The following ICE1 variants were observed in gnomAD, a reference collection of about 807,000 sequenced individuals.
ICE1 encodes interactor of little elongation complex ELL subunit 1.
Under a neutral mutation model 192.7 loss-of-function variants are expected in ICE1, and 64 were observed. The observed-to-expected ratio is 0.33, with a 90% CI of 0.27 to 0.41. ICE1 has a LOEUF of 0.41. Ranked by LOEUF, ICE1 falls within the 10% of genes least tolerant of loss-of-function variation. The pLI is 1.00. For synonymous variants in ICE1, 1,010 were observed against 984.5 expected, an observed-to-expected ratio of 1.03 and a Z score of -0.49; for missense variants, 2,708 against 2,696.0, an observed-to-expected ratio of 1.00 and a Z score of -0.10.
intron 12 of ICE1, among the ~76,000 whole-genome samples, chr5:5,458,690 C>T (rs772278524): frequency 6.6e-5 from 10 of 152,036 alleles, no homozygotes; most frequent in African/African-American, 1.9e-4. Context: ...TGTGCATCCT[C>T]CCAAGGAGTT....
At position 5,461,599 on chromosome 5, in the gene ICE1, A is replaced by G. The variant is rs1738782186; in HGVS notation, c.2265A>G (p.Gln755=). 4 of 1,613,094 alleles carry G rather than the reference A, an allele frequency of 2.5e-6. No homozygotes were observed. Among genetic ancestry groups the G allele is most frequent in the African/African-American group, 1.3e-5 (1 of 74,942 alleles). Residue 755 remains glutamine (Q), a synonymous_variant, in exon 13 of 19, where the codon CAA becomes CAG. Transcript: ENST00000296564. ...KATKDGQCES[Q]DPRIELTLNK... ...CAAAAGATGGGCAATGTGAAAGTCA[A>G]GATCCAAGAATTGAGCTCACACTAA...
At position 5,457,353 on chromosome 5, in the gene ICE1, C is replaced by G; in HGVS notation, c.713C>G (p.Thr238Ser). 1 of 1,606,000 alleles carries G rather than the reference C, an allele frequency of 6.2e-7. No homozygotes were observed. The highest frequency in any genetic ancestry group is 8.5e-7 in the Non-Finnish European group (1 of 1,175,260). Residue 238 changes from threonine (T) to serine (S), a missense_variant, in exon 12 of 19, where the codon ACC (threonine) becomes AGC (serine). Coordinates refer to ENST00000296564, the MANE Select transcript of ICE1 (RefSeq NM_015325.3). ...CVPEKPAKAI[T>S]SSRVPGEDGT... Reference sequence around the variant, plus strand: ...ATAGAAAAACCTGCCAAAGCAATCACCAGCTCCAGAGTGCCTGGGGAAGAT... The same window carrying G: ...ATAGAAAAACCTGCCAAAGCAATCAGCAGCTCCAGAGTGCCTGGGGAAGAT...
At chr5:5,424,541 C>G (rs767395412) in intron 1 of ICE1, among the ~76,000 whole-genome samples, 2 of 152,126 alleles carry the variant, frequency 1.3e-5, no homozygotes, top group South Asian at 2.1e-4. Flanking sequence ...GACAAAAATT[C>G]TTGATCTCTT....
Position 5,463,595 on chromosome 5 carries a change from G to C in ICE1, c.4261G>C (p.Gly1421Arg), listed in dbSNP as rs775738864. The change falls in exon 13 of 19, where the codon GGG becomes CGG. Residue 1421 changes from glycine (G) to arginine (R), a missense_variant. Physicochemically the swap from Gly to Arg is moderately radical, Grantham distance 125. This residue lies in a region of ICE1 where 2,366 missense variants were observed against 2,276.6 expected (regional missense o/e 1.04). Coordinates refer to ENST00000296564, the MANE Select transcript of ICE1 (RefSeq NM_015325.3). ...NKDQNLVIEK[G>R]DNWTIISGVA... ...GGATCAGAATCTAGTCATTGAAAAGGGGGACAACTGGACAATCATCAGTGG... is the reference window on the plus strand; with the variant it reads ...GGATCAGAATCTAGTCATTGAAAAGCGGGACAACTGGACAATCATCAGTGG... 1 of 1,613,974 alleles carries C rather than the reference G, an allele frequency of 6.2e-7. No individual in the cohort carries two copies.
Position 5,463,866 on chromosome 5 carries a change from G to A in ICE1, c.4532G>A (p.Arg1511Gln), listed in dbSNP as rs1272300307. Reference protein sequence around the residue: ...QSTNFDKSRLRNRPVKPSIWI... With the variant: ...QSTNFDKSRLQNRPVKPSIWI... ...ACCAACTTTGATAAGAGTCGTTTGCGAAATAGACCCGTTAAGCCTAGTATA... is the reference window on the plus strand; with the variant it reads ...ACCAACTTTGATAAGAGTCGTTTGCAAAATAGACCCGTTAAGCCTAGTATA... Residue 1511 changes from arginine to glutamine, a missense_variant, in exon 13 of 19, where the codon CGA becomes CAA. Physicochemically the swap from Arg to Gln is conservative, Grantham distance 43 (BLOSUM62 1). Around this residue, in one of 2 missense-constraint regions of ICE1, gnomAD observed 2,366 missense variants for 2,276.6 expected, o/e 1.04. Transcript: ENST00000296564. 7 of 1,613,760 alleles carry A rather than the reference G, an allele frequency of 4.3e-6. No individual in the cohort carries two copies. The highest frequency in any genetic ancestry group is 2.2e-5 in the East Asian group (1 of 44,890).
At chr5:5,486,074 G>A (rs1463646834) in intron 17 of ICE1, among the ~76,000 whole-genome samples, 2 of 152,356 alleles carry the variant, frequency 1.3e-5, no homozygotes, top group Admixed American at 6.5e-5. Flanking sequence ...TGTACTCAGT[G>A]TATGGGGGAG....
Position 5,479,059 on chromosome 5 carries a change from C to T in ICE1, c.6520+2980C>T, listed in dbSNP as rs754066088. Among the ~76,000 whole-genome samples the T allele has an allele frequency of 3.0e-4, 45 of 152,160 alleles. 1 individual carries two copies. The highest frequency in any genetic ancestry group is 9.7e-5 in the African/African-American group (4 of 41,432). On this transcript the variant is annotated intron_variant, in intron 17 of 18. Transcript: ENST00000296564. ...ATGGGCAAAGACTTCATGACTAAAA[C>T]GCCAAAAGCAATTGCAACAAAAACC... is the stretch of plus-strand genomic sequence containing the variant.
intron 17 of ICE1, among the ~76,000 whole-genome samples, chr5:5,481,135 G>A (rs137924417): frequency 0.021 from 3,144 of 152,212 alleles, 51 homozygotes; most frequent in Middle Eastern, 0.037. Context: ...AAATGCTCAT[G>A]CTTTTGACTC....
chr5:5,473,844 G>A, intron 16 of ICE1, 96 bp downstream of exon 16: 2 of 822,860 alleles, frequency 2.4e-6, no homozygotes, highest in Admixed American at 3.5e-5. Context: ...TCGTTTAAGT[G>A]TGTAAGGCAG....
At chr5:5,470,797 A>ACAATTACATTAC (rs1190924168) in intron 15 of ICE1, among the ~76,000 whole-genome samples, 1 of 152,224 alleles carries the variant, frequency 6.6e-6, no homozygotes, top group African/African-American at 2.4e-5. Context: ...ATTTACTTTG[A>ACAATTACATTAC]AATTGAGATA....
At position 5,454,507 on chromosome 5, in the gene ICE1, G is replaced by A. The variant is rs117014518; in HGVS notation, c.605-45G>A. 1.8e-3 allele frequency: 2,442 copies of A among 1,377,388 alleles called. 40 individuals are homozygous for A. The East Asian group carries it at 0.034, about 19-fold the overall frequency. 85.3% of individuals were successfully genotyped at this position (1,377,388 alleles called of 1,614,324 possible). A position where few individuals can be genotyped will look rare whatever the true frequency, so the allele number is the denominator to read the frequency against. On this transcript the variant is annotated intron_variant, in intron 10 of 18. Coordinates refer to ENST00000296564, the MANE Select transcript of ICE1 (RefSeq NM_015325.3). ...AGAAGTATGTTCTGGCCTTGTGTAC[G>A]GTGAGCCAAATGACGTGACTTTAAT...
At chr5:5,457,149 A>G (rs1738608710) in intron 11 of ICE1, among the ~76,000 whole-genome samples, 183 bp from the exon 12 acceptor site, 1 of 152,178 alleles carries the variant, frequency 6.6e-6, no homozygotes, top group East Asian at 1.9e-4. Flanking sequence ...GCATACTTGT[A>G]TGAAATGTAT....
At chr5:5,423,035 G>A (rs1305632196) in intron 1 of ICE1, 36 bp downstream of exon 1, 6 of 1,305,088 alleles carry the variant, frequency 4.6e-6, no homozygotes, top group Admixed American at 3.7e-5. Context: ...CGCGGGGGGG[G>A]ACTCGGCTCG....
chr5:5,467,591 A>G (rs1427556004), intron 14 of ICE1, among the ~76,000 whole-genome samples: 1 of 152,152 alleles, frequency 6.6e-6, no homozygotes, highest in Non-Finnish European at 1.5e-5. Context: ...AAGATTAAAT[A>G]TTTTGTTTGC....
intron 12 of ICE1, among the ~76,000 whole-genome samples, chr5:5,459,271 C>T (rs1275928988): frequency 1.3e-5 from 2 of 152,146 alleles, no homozygotes; most frequent in East Asian, 3.9e-4. Flanking sequence ...AAATGAGCAG[C>T]ATTTGGTGAC....
intron 1 of ICE1, among the ~76,000 whole-genome samples, chr5:5,426,412 C>T (rs1240009534): frequency 6.7e-6 from 1 of 148,674 alleles, no homozygotes; most frequent in Non-Finnish European, 1.5e-5. Flanking sequence ...GCCACCACTG[C>T]ACTCCAGCCT....
intron 17 of ICE1, among the ~76,000 whole-genome samples, chr5:5,483,140 G>A (rs772293667): frequency 6.6e-6 from 1 of 151,968 alleles, no homozygotes; most frequent in Non-Finnish European, 1.5e-5. Context: ...ACAGGCATGC[G>A]CCACCATGCT....
chr5:5,454,164 C>G (rs1027898897), intron 10 of ICE1, among the ~76,000 whole-genome samples: 6 of 152,168 alleles, frequency 3.9e-5, no homozygotes, highest in African/African-American at 1.2e-4. Flanking sequence ...GATCCCTTAT[C>G]AGTTATTAAC....
chr5:5,441,255 G>A (rs1192875270), intron 5 of ICE1, 32 bp downstream of exon 5: 13 of 1,357,038 alleles, frequency 9.6e-6, no homozygotes, highest in African/African-American at 1.5e-5. Flanking sequence ...AAAGATTTAC[G>A]GTCAATAAAT....
Sources: allele counts gnomAD v4.1 joint callset (sites outside exome capture counted in the v4.1 genomes callset), GRCh38; gene constraint gnomAD v4.1.1; regional missense constraint gnomAD v4.1.1; transcripts MANE v1.5; gene names NCBI Gene and HGNC (gene_info 2026-07-23, HGNC 2026-07-21).